Variants in POU2F3 observed in about 807,000 individuals in gnomAD.
POU2F3 encodes the protein POU class 2 homeobox 3.
Under a neutral mutation model 59.2 loss-of-function variants are expected in POU2F3, and 23 were observed. The observed-to-expected ratio is 0.39, with a 90% confidence interval of 0.28 to 0.55. The LOEUF (loss-of-function observed/expected upper bound fraction) is 0.55, where lower values mean the gene tolerates loss of function less well. Among genes scored for constraint, POU2F3 ranks in the 20% least tolerant of loss-of-function variants. POU2F3 has a pLI of 0.66. For synonymous variants in POU2F3, 190 were observed against 214.6 expected, an observed-to-expected ratio of 0.89 and a Z score of 1.00; for missense variants, 473 against 544.5, an observed-to-expected ratio of 0.87 and a Z score of 1.31.
intron 3 of POU2F3, among the ~76,000 whole-genome samples, chr11:120,275,416 C>T (rs1477603779): frequency 6.6e-6 from 1 of 152,044 alleles, no homozygotes; most frequent in Non-Finnish European, 1.5e-5. Context: ...CTCTTTGGGC[C>T]ACCAGCTAAC....
At chr11:120,308,361 C>T (rs920716658) in intron 9 of POU2F3, among the ~76,000 whole-genome samples, 3 of 152,220 alleles carry the variant, frequency 2.0e-5, no homozygotes, top group Non-Finnish European at 4.4e-5. Context: ...AGGACTGCTG[C>T]CCCTCCAGCA....
In POU2F3 at chr11:120,307,490, T is replaced by C; in HGVS notation, c.781T>C (p.Ser261Pro). The C allele has an allele frequency of 6.2e-7, 1 of 1,614,110 alleles. No individual in the cohort carries two copies. The highest frequency in any genetic ancestry group is 8.5e-7 in the Non-Finnish European group (1 of 1,179,974). ...TCGTGTCCCTGCAGAGTCCTCTCCG[T>C]CAGACCCCTCAGTGAGCACGCCCAG... ...KWLNDAESSP[S>P]DPSVSTPSSY... is the part of the protein sequence containing the mutation. Residue 261 changes from serine (S) to proline (P), a missense_variant, in exon 9 of 13, where the codon TCA (serine) becomes CCA (proline). Physicochemically the swap from Ser to Pro is moderately conservative, Grantham distance 74 (BLOSUM62 -1). Coordinates refer to ENST00000543440, the MANE Select transcript of POU2F3 (RefSeq NM_014352.4).
intron 12 of POU2F3, among the ~76,000 whole-genome samples, chr11:120,317,774 G>T (rs373132441): frequency 6.6e-6 from 1 of 152,188 alleles, no homozygotes; most frequent in African/African-American, 2.4e-5. Context: ...AGGGAAAGGG[G>T]GAAGTGGTGC....
At chr11:120,272,692 C>T (rs1337553096) in intron 3 of POU2F3, among the ~76,000 whole-genome samples, 1 of 152,174 alleles carries the variant, frequency 6.6e-6, no homozygotes, top group South Asian at 2.1e-4. Flanking sequence ...AGCCTGTTAA[C>T]TTCCTGGTCC....
chr11:120,317,615 T>C (rs1941822849), intron 12 of POU2F3, among the ~76,000 whole-genome samples: 1 of 152,214 alleles, frequency 6.6e-6, no homozygotes, highest in Admixed American at 6.5e-5. Context: ...TTTCCATCCT[T>C]ACTTTGAGGG....
In POU2F3 at chr11:120,302,571, A is replaced by C. The variant is rs530208650; in HGVS notation, c.444+203A>C. On this transcript the variant is annotated intron_variant, in intron 6 of 12. Coordinates refer to ENST00000543440, the MANE Select transcript of POU2F3 (RefSeq NM_014352.4). ...TACCAAGTGTCACTGGTGGGGCCAC[A>C]GTTAGAATCCAGAGATTCCAGCTCC... 23 of 548,372 alleles carry C rather than the reference A, an allele frequency of 4.2e-5. No individual in the cohort carries two copies. In the East Asian group the frequency reaches 6.0e-4, roughly 14 times the overall value. 34.0% of individuals were successfully genotyped at this position (548,372 alleles called of 1,614,324 possible).
intron 3 of POU2F3, among the ~76,000 whole-genome samples, chr11:120,270,297 G>A (rs1166537958): frequency 6.6e-6 from 1 of 151,886 alleles, no homozygotes; most frequent in Admixed American, 6.6e-5. Context: ...AGGACGGGGT[G>A]GAATGTCTAT....
intron 3 of POU2F3, among the ~76,000 whole-genome samples, chr11:120,294,767 G>A (rs1941142326): frequency 2.6e-5 from 4 of 152,130 alleles, no homozygotes; most frequent in Admixed American, 2.6e-4. Flanking sequence ...AGCTAATAGA[G>A]ACCGCTGATC....
chr11:120,242,548 G>A (rs1296141919), intron 1 of POU2F3, among the ~76,000 whole-genome samples: 2 of 152,118 alleles, frequency 1.3e-5, no homozygotes, highest in African/African-American at 4.8e-5. Context: ...CCCAGGGCTG[G>A]GTCCTTGGGG....
intron 11 of POU2F3, 57 bp downstream of exon 11, chr11:120,315,484 A>G: frequency 6.7e-7 from 1 of 1,503,278 alleles, no homozygotes; most frequent in South Asian, 1.1e-5. Flanking sequence ...AAAATGGGAT[A>G]TTAGAACTGA....
intron 4 of POU2F3, 98 bp from the exon 5 acceptor site, chr11:120,299,526 G>A (rs1941283819): frequency 1.9e-6 from 2 of 1,044,930 alleles, no homozygotes; most frequent in Admixed American, 4.5e-5. Context: ...CAAAGTCTCT[G>A]AGTCTGGAGA....
chr11:120,274,674 G>C (rs1940249174), intron 3 of POU2F3, among the ~76,000 whole-genome samples: 2 of 152,190 alleles, frequency 1.3e-5, no homozygotes, highest in African/African-American at 2.4e-5. Context: ...TGGAGCCCAG[G>C]AGACAGGCAG....
chr11:120,281,141 G>A (rs1001611220), intron 3 of POU2F3, among the ~76,000 whole-genome samples: 2 of 152,136 alleles, frequency 1.3e-5, no homozygotes, highest in Admixed American at 6.5e-5. Context: ...ACCCTTAAGC[G>A]GCTTTGGAGG....
chr11:120,274,588 T>C (rs1940244642), intron 3 of POU2F3, among the ~76,000 whole-genome samples: 1 of 152,156 alleles, frequency 6.6e-6, no homozygotes, highest in Non-Finnish European at 1.5e-5. Flanking sequence ...GGAACAAACT[T>C]ATCCAGATGA....
chr11:120,304,415 A>G (rs1413193233), intron 6 of POU2F3: 1 of 152,182 alleles, frequency 6.6e-6, no homozygotes, highest in Non-Finnish European at 1.5e-5. Context: ...TGCATTTTAT[A>G]AAGGTACTGA....
chr11:120,292,561 TTC>T (rs1941060668), intron 3 of POU2F3, among the ~76,000 whole-genome samples: 1 of 152,194 alleles, frequency 6.6e-6, no homozygotes, highest in South Asian at 2.1e-4. Context: ...AAATCAAAAG[TTC>T]TGTGTCGTAC....
chr11:120,237,969 G>A (rs1046582175), upstream of POU2F3, among the ~76,000 whole-genome samples: 5 of 152,162 alleles, frequency 3.3e-5, no homozygotes, highest in Admixed American at 6.5e-5. Context: ...TGCAGGGGAC[G>A]GTGGCTCACA....
intron 10 of POU2F3, among the ~76,000 whole-genome samples, chr11:120,310,203 T>C (rs1207504401): frequency 1.3e-5 from 2 of 152,144 alleles, no homozygotes; most frequent in African/African-American, 4.8e-5. Flanking sequence ...CCCAGGGTGG[T>C]AGCCATGGAG....
chr11:120,312,066 G>T (rs985837674), intron 10 of POU2F3, among the ~76,000 whole-genome samples: 2 of 152,214 alleles, frequency 1.3e-5, no homozygotes, highest in Non-Finnish European at 2.9e-5. Context: ...AGCAAGAGTA[G>T]TGTACAAGGC....
Sources: allele counts gnomAD v4.1 joint callset (sites outside exome capture counted in the v4.1 genomes callset), GRCh38; gene constraint gnomAD v4.1.1; transcripts MANE v1.5; gene names NCBI Gene and HGNC (gene_info 2026-07-23, HGNC 2026-07-21).